Variants in DDX42 observed in about 807,000 individuals in gnomAD.
DDX42 encodes ATP-dependent RNA helicase DDX42.
Under a neutral mutation model 101.5 loss-of-function variants are expected in DDX42, and 22 were observed. That is an observed-to-expected ratio of 0.22 (90% CI 0.15 to 0.31). The LOEUF (loss-of-function observed/expected upper bound fraction) is 0.31. Ranked by LOEUF, DDX42 falls within the 10% of genes least tolerant of loss-of-function variation. The pLI, the probability that DDX42 is intolerant of heterozygous loss-of-function variation, is 1.00. For synonymous variants in DDX42, 402 were observed against 401.2 expected, an observed-to-expected ratio of 1.00 and a Z score of -0.02; for missense variants, 849 against 1,199.9, an observed-to-expected ratio of 0.71 and a Z score of 4.32.
intron 2 of DDX42, among the ~76,000 whole-genome samples, chr17:63,787,966 G>A (rs538413356): frequency 4.4e-4 from 66 of 149,432 alleles, no homozygotes; most frequent in African/African-American, 1.5e-3. Flanking sequence ...GTATAATGGT[G>A]CAATCTCGGT....
Position 63,815,555 on chromosome 17 carries a change from C to T in DDX42, c.1903-8C>T. 6.2e-7 allele frequency: 1 copy of T among 1,606,276 alleles called. No individual in the cohort carries two copies. Among genetic ancestry groups the T allele is most frequent in the South Asian group, 1.1e-5 (1 of 90,638 alleles). On this transcript the variant is annotated splice_polypyrimidine_tract_variant and splice_region_variant and intron_variant, in intron 15 of 17. Coordinates refer to ENST00000389924, the MANE Select transcript of DDX42 (RefSeq NM_203499.3). ...CCTTGACTTAACCTTGAATTTTGTTCAATGCAGAATGCCTGGTTTCGGAAA... is the reference window on the plus strand; with the variant it reads ...CCTTGACTTAACCTTGAATTTTGTTTAATGCAGAATGCCTGGTTTCGGAAA...
intron 3 of DDX42, among the ~76,000 whole-genome samples, chr17:63,795,383 C>T (rs569145599): frequency 1.3e-5 from 2 of 152,290 alleles, no homozygotes; most frequent in South Asian, 4.1e-4. Flanking sequence ...CAGGATCTCT[C>T]GCCCAAGCCA....
At chr17:63,785,645 C>G (rs1567730609) in intron 1 of DDX42, among the ~76,000 whole-genome samples, 1 of 150,860 alleles carries the variant, frequency 6.6e-6, no homozygotes, top group Non-Finnish European at 1.5e-5. Flanking sequence ...GGAGCCAAGA[C>G]TAATGTAAGG....
At chr17:63,815,723 G>A in intron 16 of DDX42, 50 bp downstream of exon 16, 1 of 1,304,522 alleles carries the variant, frequency 7.7e-7, no homozygotes, top group Non-Finnish European at 1.1e-6. Context: ...CTCATGTCCT[G>A]AAAGTCATTA....
chr17:63,813,327 C>T lies in DDX42; in HGVS notation c.1775C>T (p.Ala592Val). The change falls in exon 15 of 18, where the codon GCG becomes GTG. Residue 592 changes from alanine (A) to valine (V), a missense_variant. Around this residue, in one of 5 missense-constraint regions of DDX42, gnomAD observed 86 missense variants for 160.8 expected, o/e 0.53. Coordinates refer to ENST00000389924, the MANE Select transcript of DDX42 (RefSeq NM_203499.3). ...CATAGGATTGGCCGCACAGGAAGAG[C>T]GGGTGAGAAAGGTGTGGCCTATACC... Reference protein sequence around the residue: ...HTHRIGRTGRAGEKGVAYTLL... With the variant: ...HTHRIGRTGRVGEKGVAYTLL... The T allele has an allele frequency of 1.2e-6, 2 of 1,614,132 alleles. No homozygotes were observed. Among genetic ancestry groups the T allele is most frequent in the Non-Finnish European group, 1.7e-6 (2 of 1,180,018 alleles).
In DDX42 at chr17:63,818,033, C is replaced by A; in HGVS notation, c.2452C>A (p.Arg818Ser). Reference sequence around the variant, plus strand: ...ATATACTGAGAACCGGGGCAGCAGCCGTCACAGTCACGGAGAGACTGGCAA... The same window carrying A: ...ATATACTGAGAACCGGGGCAGCAGCAGTCACAGTCACGGAGAGACTGGCAA... ...ERYTENRGSSRHSHGETGNRH... is the reference protein window; with the variant it reads ...ERYTENRGSSSHSHGETGNRH... The change falls in exon 18 of 18, where the codon CGT becomes AGT. Residue 818 changes from arginine to serine, a missense_variant. Physicochemically the swap from Arg to Ser is moderately radical, Grantham distance 110. Around this residue, in one of 5 missense-constraint regions of DDX42, gnomAD observed 300 missense variants for 304.9 expected, o/e 0.98. Coordinates refer to ENST00000389924, the MANE Select transcript of DDX42 (RefSeq NM_203499.3). The A allele has an allele frequency of 6.2e-7, 1 of 1,613,940 alleles. No individual in the cohort carries two copies. Among genetic ancestry groups the A allele is most frequent in the Non-Finnish European group, 8.5e-7 (1 of 1,180,002 alleles).
intron 3 of DDX42, among the ~76,000 whole-genome samples, chr17:63,796,398 C>G (rs932768407): frequency 2.6e-5 from 4 of 152,216 alleles, no homozygotes; most frequent in African/African-American, 7.2e-5. Context: ...CAACCTCTGC[C>G]TCCCGGGTCC....
Position 63,774,368 on chromosome 17 carries a change from T to C in DDX42, c.-25T>C, listed in dbSNP as rs911913344. On this transcript the variant is annotated 5_prime_UTR_variant, in exon 1 of 18. Coordinates refer to ENST00000389924, the MANE Select transcript of DDX42 (RefSeq NM_203499.3). ...GTTGTAGCAGCTGCCGCTGCAGCCA[T>C]AGCAGCAGGTTTGTGCGTGGGGTTT... 6.9e-5 allele frequency: 16 copies of C among 231,812 alleles called. 2 individuals carry two copies. The highest frequency in any genetic ancestry group is 1.2e-4 in the Non-Finnish European group (14 of 119,314). The allele number at this position is 231,812 out of a possible 1,614,324, so 14.4% of individuals were successfully genotyped here.
intron 6 of DDX42, 48 bp downstream of exon 6, chr17:63,800,665 T>C: frequency 6.3e-7 from 1 of 1,590,886 alleles, no homozygotes; most frequent in African/African-American, 1.3e-5. Context: ...GCTGATGCTT[T>C]ACTTCAGCTT....
chr17:63,783,380 A>G (rs2039511185), intron 1 of DDX42, among the ~76,000 whole-genome samples: 1 of 152,152 alleles, frequency 6.6e-6, no homozygotes, highest in Admixed American at 6.6e-5. Context: ...TTGCCTTCTC[A>G]TCCTTATGGC....
At position 63,819,162 on chromosome 17, in the gene DDX42, A is replaced by T. The variant is rs1303321011; in HGVS notation, c.*764A>T. The T allele has an allele frequency of 2.6e-5, 4 of 152,610 alleles. No individual in the cohort carries two copies. Among genetic ancestry groups the T allele is most frequent in the Admixed American group, 6.5e-5 (1 of 15,278 alleles). 9.5% of individuals were successfully genotyped at this position (152,610 alleles called of 1,614,324 possible). A position where few individuals can be genotyped will look rare whatever the true frequency, so the allele number is the denominator to read the frequency against. ...TTTTTTTAACTTGCCCCAATGATAG[A>T]AAAGTCTTTTGCTGAAATGATTTTG... On this transcript the variant is annotated 3_prime_UTR_variant, in exon 18 of 18. Transcript: ENST00000389924.
rs1248339123 is a variant in DDX42 at position 63,818,541 on chromosome 17, C to T, written c.*143C>T. The T allele has an allele frequency of 8.3e-6, 6 of 725,034 alleles. No individual in the cohort carries two copies. The highest frequency in any genetic ancestry group is 1.3e-5 in the Non-Finnish European group (6 of 458,406). The allele number at this position is 725,034 out of a possible 1,614,324, so 44.9% of individuals were successfully genotyped here. On this transcript the variant is annotated 3_prime_UTR_variant, in exon 18 of 18. Coordinates refer to ENST00000389924, the MANE Select transcript of DDX42 (RefSeq NM_203499.3). ...GAGCTGGAGCTTGGAGACATTACCC[C>T]TTCATCAGAAGGAATTTTCGGATGT...
chr17:63,779,853 T>C (rs906748813), intron 1 of DDX42, among the ~76,000 whole-genome samples: 4 of 152,182 alleles, frequency 2.6e-5, no homozygotes, highest in African/African-American at 9.7e-5. Flanking sequence ...ACTGGGAATA[T>C]AGGCGTAAGC....
In DDX42 at chr17:63,805,145, A is replaced by C; in HGVS notation, c.696A>C (p.Leu232Phe). 6.2e-7 allele frequency: 1 copy of C among 1,613,186 alleles called. No homozygotes were observed. Among genetic ancestry groups the C allele is most frequent in the Non-Finnish European group, 8.5e-7 (1 of 1,179,830 alleles). ...EEITNLTPQQ[L>F]IDLRHKLNLR... The stretch of plus-strand genomic sequence containing the variant: ...TAACCAACCTCACTCCACAGCAGTT[A>C]ATAGATCTCCGGCATAAGCTCAATC... Residue 232 changes from leucine (L) to phenylalanine (F), a missense_variant, in exon 7 of 18, where the codon TTA (leucine) becomes TTC (phenylalanine). Leu to Phe is a conservative substitution (Grantham distance 22). Around this residue, in one of 5 missense-constraint regions of DDX42, gnomAD observed 370 missense variants for 608.8 expected, o/e 0.61. Transcript: ENST00000389924.
intron 2 of DDX42, among the ~76,000 whole-genome samples, chr17:63,789,396 T>C (rs1156871286): frequency 6.6e-6 from 1 of 151,878 alleles, no homozygotes; most frequent in Non-Finnish European, 1.5e-5. Context: ...TATTCTTTTG[T>C]AGAGACAGGG....
chr17:63,811,241 A>G, intron 13 of DDX42, 68 bp downstream of exon 13: 2 of 1,154,702 alleles, frequency 1.7e-6, no homozygotes, highest in South Asian at 1.5e-5. Flanking sequence ...CACAGAATTA[A>G]TTTCTCACTA....
chr17:63,817,503 CCA>C (rs1405990279), intron 17 of DDX42, 189 bp from the exon 18 acceptor site: 4 of 586,130 alleles, frequency 6.8e-6, no homozygotes, highest in Non-Finnish European at 1.2e-5. Flanking sequence ...GTCCATCTCT[CCA>C]CAGAGATCCA....
At chr17:63,783,134 T>C (rs1158475844) in intron 1 of DDX42, among the ~76,000 whole-genome samples, 1 of 152,180 alleles carries the variant, frequency 6.6e-6, no homozygotes, top group African/African-American at 2.4e-5. Flanking sequence ...CACCAGTGAA[T>C]GCACTCTGTA....
At chr17:63,803,567 CAAAA>C (rs1165590235) in intron 6 of DDX42, among the ~76,000 whole-genome samples, 1 of 44,240 alleles carries the variant, frequency 2.3e-5, no homozygotes, top group African/African-American at 8.3e-5. Context: ...GACTCCATCT[CAAAA>C]AAAAAAAAAA....
Sources: allele counts gnomAD v4.1 joint callset (sites outside exome capture counted in the v4.1 genomes callset), GRCh38; gene constraint gnomAD v4.1.1; regional missense constraint gnomAD v4.1.1; transcripts MANE v1.5; gene names NCBI Gene and HGNC (gene_info 2026-07-23, HGNC 2026-07-21).